The following MACROD2 variants were observed in gnomAD, a reference collection of about 807,000 sequenced individuals.
MACROD2 encodes ADP-ribose glycohydrolase MACROD2.
MACROD2 carries 36 observed loss-of-function variants against 70.4 expected under a neutral mutation model. The ratio of observed to expected loss-of-function variants is 0.51; its 90% confidence interval spans 0.39 to 0.68. The LOEUF (loss-of-function observed/expected upper bound fraction) is 0.68. Among genes scored for constraint, MACROD2 ranks in the 30% least tolerant of loss-of-function variants. MACROD2 has a pLI of 0.00. For synonymous variants in MACROD2, 172 were observed against 178.8 expected, an observed-to-expected ratio of 0.96 and a Z score of 0.30; for missense variants, 496 against 538.4, an observed-to-expected ratio of 0.92 and a Z score of 0.78.
At chr20:14,644,541 A>C (rs569434199) in intron 4 of MACROD2, among the ~76,000 whole-genome samples, 5 of 152,312 alleles carry the variant, frequency 3.3e-5, no homozygotes, top group Admixed American at 2.6e-4. Flanking sequence ...CCCAGTGTAG[A>C]TTATTAAGTC....
At position 14,885,889 on chromosome 20, in the gene MACROD2, C is replaced by T. The variant is rs146030575; in HGVS notation, c.418+200930C>T. Among the ~76,000 whole-genome samples the T allele has an allele frequency of 4.3e-3, 650 of 152,260 alleles. 7 individuals are homozygous for T. Among genetic ancestry groups the T allele is most frequent in the African/African-American group, 0.015 (609 of 41,542 alleles). Reference sequence around the variant, plus strand: ...ATGACCCTTCATTCATTTATTCATTCACAGAGTATTCATTGAGTATCTACA... The same window carrying T: ...ATGACCCTTCATTCATTTATTCATTTACAGAGTATTCATTGAGTATCTACA... On this transcript the variant is annotated intron_variant, in intron 5 of 17. Transcript: ENST00000684519.
chr20:14,189,430 T>C (rs2081368223), intron 3 of MACROD2, among the ~76,000 whole-genome samples: 1 of 152,222 alleles, frequency 6.6e-6, no homozygotes, highest in Non-Finnish European at 1.5e-5. Flanking sequence ...AAGAAAGGCT[T>C]TTTGTGAATG....
intron 2 of MACROD2, among the ~76,000 whole-genome samples, chr20:14,035,702 G>T (rs2257832): frequency 0.92 from 140,788 of 152,308 alleles, 65,142 homozygotes; most frequent in East Asian, 1. Flanking sequence ...AACGTATATG[G>T]TTCATCAGCA....
intron 4 of MACROD2, among the ~76,000 whole-genome samples, chr20:14,506,226 AT>A: frequency 6.6e-6 from 1 of 152,324 alleles, no homozygotes; most frequent in Middle Eastern, 3.4e-3. Flanking sequence ...CACTGAGCAC[AT>A]GCACAGTGGA....
At chr20:14,100,219 A>G (rs985190647) in intron 3 of MACROD2, among the ~76,000 whole-genome samples, 5 of 151,994 alleles carry the variant, frequency 3.3e-5, no homozygotes, top group Admixed American at 3.3e-4. Context: ...ATTTGGAAAA[A>G]AAGGTAATTT....
At chr20:15,197,641 A>C (rs1029480341) in intron 5 of MACROD2, among the ~76,000 whole-genome samples, 4 of 152,116 alleles carry the variant, frequency 2.6e-5, no homozygotes, top group Admixed American at 2.6e-4. Context: ...CCCCCAAATT[A>C]GTTTTTTGAT....
chr20:15,874,013 C>T (rs764478199), intron 9 of MACROD2, among the ~76,000 whole-genome samples: 17 of 152,036 alleles, frequency 1.1e-4, no homozygotes, highest in East Asian at 3.9e-4. Context: ...TTGCTGTACC[C>T]GTCAACTTGT....
chr20:15,934,431 G>A (rs2065626793), intron 11 of MACROD2, among the ~76,000 whole-genome samples: 1 of 152,176 alleles, frequency 6.6e-6, no homozygotes, highest in South Asian at 2.1e-4. Flanking sequence ...GGCGTCCTTT[G>A]CTGCAAGATA....
intron 3 of MACROD2, among the ~76,000 whole-genome samples, chr20:14,232,332 C>G (rs1468489399): frequency 1.3e-5 from 2 of 152,170 alleles, no homozygotes; most frequent in South Asian, 2.1e-4. Flanking sequence ...TTTGACTCTT[C>G]GAAGCTAAGT....
intron 3 of MACROD2, among the ~76,000 whole-genome samples, chr20:14,364,507 T>G (rs537237325): frequency 1.3e-5 from 2 of 152,298 alleles, no homozygotes; most frequent in South Asian, 4.1e-4. Context: ...TAAGGATGTA[T>G]TCACAGTGTT....
chr20:14,738,910 G>C (rs898618634), intron 5 of MACROD2, among the ~76,000 whole-genome samples: 4 of 151,850 alleles, frequency 2.6e-5, no homozygotes, highest in African/African-American at 9.7e-5. Context: ...TTTCTGCTAA[G>C]TATAATTAAT....
chr20:15,040,317 GA>G lies in MACROD2; in HGVS notation c.419-189608del, dbSNP rs11087118. On this transcript the variant is annotated intron_variant, in intron 5 of 17. Coordinates refer to ENST00000684519, the MANE Select transcript of MACROD2 (RefSeq NM_001351661.2). ...GCGACAGAGCGAGACTCCGTCTCAG[GA>G]AAAAAAAAAAAAAAGTACCTTAATG... is the stretch of plus-strand genomic sequence containing the variant. Among the ~76,000 whole-genome samples the G allele has an allele frequency of 3.5e-3, 498 of 140,548 alleles. 4 individuals carry two copies. Among genetic ancestry groups the G allele is most frequent in the Non-Finnish European group, 5.7e-3 (370 of 64,536 alleles). The allele number at this position is 140,548 out of a possible 152,430, so 92.2% of individuals were successfully genotyped here. A position where few individuals can be genotyped will look rare whatever the true frequency, so the allele number is the denominator to read the frequency against.
intron 3 of MACROD2, chr20:14,325,964 G>T (rs1439741156): frequency 1.2e-6 from 2 of 1,613,866 alleles, no homozygotes. Context: ...TCTTGCTCTC[G>T]ATTGAGGGTG....
At chr20:15,000,389 C>T (rs189232215) in intron 5 of MACROD2, among the ~76,000 whole-genome samples, 2 of 128,602 alleles carry the variant, frequency 1.6e-5, no homozygotes, top group Non-Finnish European at 1.6e-5. Context: ...TTTGGGAGGC[C>T]GAGGCGGGTG....
intron 3 of MACROD2, among the ~76,000 whole-genome samples, chr20:14,400,155 A>C (rs1427426601): frequency 2.0e-5 from 3 of 152,162 alleles, no homozygotes; most frequent in African/African-American, 7.2e-5. Context: ...TGGGTGCTAA[A>C]TATTTTTGAA....
chr20:15,870,742 C>T (rs1263961512), intron 9 of MACROD2, among the ~76,000 whole-genome samples: 1 of 152,180 alleles, frequency 6.6e-6, no homozygotes, highest in Non-Finnish European at 1.5e-5. Flanking sequence ...CTGGGGTAGT[C>T]TGTAGCAGCA....
At chr20:14,772,510 C>T (rs1460489831) in intron 5 of MACROD2, among the ~76,000 whole-genome samples, 5 of 152,020 alleles carry the variant, frequency 3.3e-5, no homozygotes, top group South Asian at 2.1e-4. Flanking sequence ...GGGAAACTCC[C>T]GTTTTTAAAA....
At chr20:14,147,276 T>C (rs6079318) in intron 3 of MACROD2, among the ~76,000 whole-genome samples, 149,132 of 152,318 alleles carry the variant, frequency 0.98, 73,095 homozygotes, top group East Asian at 1. Context: ...TAAACTCCTT[T>C]GATTCTATTT....
intron 4 of MACROD2, among the ~76,000 whole-genome samples, chr20:14,537,537 A>T (rs751966551): frequency 2.0e-5 from 3 of 152,138 alleles, no homozygotes; most frequent in Non-Finnish European, 4.4e-5. Flanking sequence ...AGGCAGAAAG[A>T]CACAAGTGCT....
Sources: allele counts gnomAD v4.1 joint callset (sites outside exome capture counted in the v4.1 genomes callset), GRCh38; gene constraint gnomAD v4.1.1; transcripts MANE v1.5; gene names NCBI Gene and HGNC (gene_info 2026-07-23, HGNC 2026-07-21).